Variants in ELMO3 observed in about 807,000 individuals in gnomAD.
ELMO3 encodes the protein engulfment and cell motility 3.
In ELMO3, 81 loss-of-function variants were observed where a neutral mutation model predicts 89.0. The ratio of observed to expected loss-of-function variants is 0.91; its 90% CI spans 0.76 to 1.09. ELMO3 has a LOEUF of 1.09. ELMO3 is among the 50% of genes least tolerant of loss of function. ELMO3 has a pLI of 0.00. For synonymous variants in ELMO3, 406 were observed against 400.6 expected (o/e 1.01, Z -0.16); for missense variants, 959 against 972.8 (o/e 0.99, Z 0.19).
At chr16:67,201,679 T>C (rs1052344385) in intron 10 of ELMO3, 37 bp downstream of exon 10, 4 of 1,608,764 alleles carry the variant, frequency 2.5e-6, no homozygotes, top group Non-Finnish European at 3.4e-6. Context: ...AGGGGGTGGC[T>C]TAGAGCTTGG....
In ELMO3 at chr16:67,200,018, C is replaced by T. The variant is rs760001719; in HGVS notation, c.243+17C>T. The T allele has an allele frequency of 1.3e-5, 21 of 1,612,884 alleles. No individual in the cohort carries two copies. In the Admixed American group the frequency reaches 2.8e-4, roughly 22 times the overall value. ...ACGGCCCCAGTAATGCCCCTCCCGT[C>T]CCGCCTTCCCCATCCCTGCCCCTTT... On this transcript the variant is annotated intron_variant, in intron 4 of 19. Transcript: ENST00000393997.
At position 67,202,528 on chromosome 16, in the gene ELMO3, G is replaced by A. The variant is rs201129653; in HGVS notation, c.1393G>A (p.Asp465Asn). 13 of 1,612,228 alleles carry A rather than the reference G, an allele frequency of 8.1e-6. No individual in the cohort carries two copies. The highest frequency in any genetic ancestry group is 5.5e-5 in the South Asian group (5 of 91,082). Residue 465 changes from aspartate (D) to asparagine (N), a missense_variant, in exon 14 of 20, where the codon GAC (aspartate) becomes AAC (asparagine). Physicochemically the swap from Asp to Asn is conservative, Grantham distance 23. Coordinates refer to ENST00000393997, the MANE Select transcript of ELMO3 (RefSeq NM_024712.5). ...KEMRATQEDFDKVMQVVREQL... is the reference protein window; with the variant it reads ...KEMRATQEDFNKVMQVVREQL... ...GATGCGGGCTACACAGGAGGACTTCGACAAGGTGGGTGGGGTGGGAGCTGG... is the reference window on the plus strand; with the variant it reads ...GATGCGGGCTACACAGGAGGACTTCAACAAGGTGGGTGGGGTGGGAGCTGG...
chr16:67,201,949 T>C (rs1322284360), intron 11 of ELMO3, 28 bp from the exon 12 acceptor site: 2 of 1,610,492 alleles, frequency 1.2e-6, no homozygotes, highest in Non-Finnish European at 1.7e-6. Context: ...GTGGCCCTTC[T>C]TGAACTGCCT....
rs201015151 is a variant in ELMO3 at position 67,202,435 on chromosome 16, G to A, written c.1300G>A (p.Gly434Ser). 2 of 1,613,828 alleles carry A rather than the reference G, an allele frequency of 1.2e-6. No individual in the cohort carries two copies. Among genetic ancestry groups the A allele is most frequent in the South Asian group, 2.2e-5 (2 of 91,084 alleles). ...TAQDFSPMFF[G>S]QDQSFHELFC... is the part of the protein sequence containing the mutation. ...CCAGGACTTCTCACCCATGTTCTTC[G>A]GCCAAGACCAGAGCTTCCACGAGCT... The change falls in exon 14 of 20, where the codon GGC becomes AGC. Residue 434 changes from glycine to serine, a missense_variant. Transcript: ENST00000393997.
rs199538757 is a variant in ELMO3, at chr16:67,203,044, G to T, written c.1675+40G>T. On this transcript the variant is annotated intron_variant, in intron 16 of 19. Coordinates refer to ENST00000393997, the MANE Select transcript of ELMO3 (RefSeq NM_024712.5). This position sits in a 1 kb window ranked among gnomAD's most constrained non-coding sequence, Gnocchi z 4.6. ...ATGGGCAGGGGGCAGAGGGCAGGCAGAGGGCAGGCAGAGGGCGGCTGGCTT... is the reference window on the plus strand; with the variant it reads ...ATGGGCAGGGGGCAGAGGGCAGGCATAGGGCAGGCAGAGGGCGGCTGGCTT... 1 of 1,601,928 alleles carries T rather than the reference G, an allele frequency of 6.2e-7. No individual in the cohort carries two copies. The highest frequency in any genetic ancestry group is 8.5e-7 in the Non-Finnish European group (1 of 1,177,288).
chr16:67,199,551 A>G lies in ELMO3; in HGVS notation c.79-2A>G, dbSNP rs1477967118. 6.2e-7 allele frequency: 1 copy of G among 1,600,108 alleles called. No individual in the cohort carries two copies. The highest frequency in any genetic ancestry group is 8.5e-7 in the Non-Finnish European group (1 of 1,177,484). On this transcript the variant is annotated splice_acceptor_variant, in intron 1 of 19. Transcript: ENST00000393997. LOFTEE classifies it high-confidence loss of function. ...CCGCGAGAATGACCACTCCACTTGC[A>G]GGCGAAGCCCCTGGCCGCTGTGCTG...
At chr16:67,201,045 C>A in intron 8 of ELMO3, 77 bp downstream of exon 8, 2 of 1,426,718 alleles carry the variant, frequency 1.4e-6, no homozygotes, top group Non-Finnish European at 1.8e-6. Context: ...TCCTCTAAGC[C>A]CCCCTTTTTT....
rs751587728 is a variant in ELMO3 at position 67,199,186 on chromosome 16, C to T, written c.-141C>T. 2.0e-5 allele frequency: 32 copies of T among 1,610,728 alleles called. 1 individual carries two copies. The South Asian group carries it at 3.3e-4, about 17-fold the overall frequency. On this transcript the variant is annotated 5_prime_UTR_variant, in exon 1 of 20. Coordinates refer to ENST00000393997, the MANE Select transcript of ELMO3 (RefSeq NM_024712.5). ...GCGTTGCATGGCCAGGAGCAGCAGTCTGGGCCGCGAGTGCGGGACACCGAG... is the reference window on the plus strand; with the variant it reads ...GCGTTGCATGGCCAGGAGCAGCAGTTTGGGCCGCGAGTGCGGGACACCGAG...
At position 67,202,713 on chromosome 16, in the gene ELMO3, G is replaced by T. The variant is rs752492126; in HGVS notation, c.1485G>T (p.Ala495=). The change falls in exon 15 of 20, where the codon GCG becomes GCT. Residue 495 remains alanine (A), a synonymous_variant. Transcript: ENST00000393997. Reference sequence around the variant, plus strand: ...AGCTCTTCCGAACCAAGGTGAATGCGCTCACTTATGGGGAGGTGCTGCGGC... The same window carrying T: ...AGCTCTTCCGAACCAAGGTGAATGCTCTCACTTATGGGGAGGTGCTGCGGC... The part of the protein sequence containing the change: ...SLELFRTKVN[A]LTYGEVLRLR... 3 of 1,613,704 alleles carry T rather than the reference G, an allele frequency of 1.9e-6. No homozygotes were observed. The highest frequency in any genetic ancestry group is 2.5e-6 in the Non-Finnish European group (3 of 1,180,006).
In ELMO3 at chr16:67,202,790, T is replaced by C. The variant is rs772203153; in HGVS notation, c.1562T>C (p.Leu521Pro). 6.2e-7 allele frequency: 1 copy of C among 1,613,060 alleles called. No individual in the cohort carries two copies. Among genetic ancestry groups the C allele is most frequent in the South Asian group, 1.1e-5 (1 of 91,072 alleles). ...GAGGGCACACTGGCTCCCCCTATAC[T>C]GTGAGTCTGGGGGGATGGATCCTCA... is the stretch of plus-strand genomic sequence containing the variant. ...HQEGTLAPPI[L>P]ELREKLKPEL... The change falls in exon 15 of 20, where the codon CTG becomes CCG. Residue 521 changes from leucine (L) to proline (P), a missense_variant and splice_region_variant. By Grantham distance (98) the Leu-to-Pro change is moderately conservative (BLOSUM62 -3). Transcript: ENST00000393997.
At position 67,199,533 on chromosome 16, in the gene ELMO3, A is replaced by G. The variant is rs945856596; in HGVS notation, c.79-20A>G. 4 of 1,549,746 alleles carry G rather than the reference A, an allele frequency of 2.6e-6. No homozygotes were observed. Among genetic ancestry groups the G allele is most frequent in the Non-Finnish European group, 3.5e-6 (4 of 1,147,108 alleles). On this transcript the variant is annotated intron_variant, in intron 1 of 19. Transcript: ENST00000393997. Reference sequence around the variant, plus strand: ...CATCCCTCCCTGCCCAGGCCGCGAGAATGACCACTCCACTTGCAGGCGAAG... The same window carrying G: ...CATCCCTCCCTGCCCAGGCCGCGAGGATGACCACTCCACTTGCAGGCGAAG...
chr16:67,200,583 G>A, intron 6 of ELMO3, 33 bp downstream of exon 6: 1 of 1,612,912 alleles, frequency 6.2e-7, no homozygotes, highest in Non-Finnish European at 8.5e-7. Flanking sequence ...GCGGGTGGGG[G>A]CAGTGGAGCA....
At position 67,200,177 on chromosome 16, in the gene ELMO3, C is replaced by T; in HGVS notation, c.244-15C>T. On this transcript the variant is annotated splice_polypyrimidine_tract_variant and intron_variant, in intron 4 of 19. Coordinates refer to ENST00000393997, the MANE Select transcript of ELMO3 (RefSeq NM_024712.5). ...CCCAGCCTCTTCACCTCTGCTCCTGCTCCGTTCCTGCCAGGACCTTGAGGC... is the reference window on the plus strand; with the variant it reads ...CCCAGCCTCTTCACCTCTGCTCCTGTTCCGTTCCTGCCAGGACCTTGAGGC... 1 of 1,608,102 alleles carries T rather than the reference C, an allele frequency of 6.2e-7. No individual in the cohort carries two copies. The highest frequency in any genetic ancestry group is 8.5e-7 in the Non-Finnish European group (1 of 1,176,404).
At position 67,202,982 on chromosome 16, in the gene ELMO3, G is replaced by A. The variant is rs1162777719; in HGVS notation, c.1653G>A (p.Lys551=). 1 of 1,607,114 alleles carries A rather than the reference G, an allele frequency of 6.2e-7. No individual in the cohort carries two copies. Among genetic ancestry groups the A allele is most frequent in the East Asian group, 2.2e-5 (1 of 44,872 alleles). The part of the protein sequence containing the change: ...LRLCEGTLFR[K]ISSRRRQDKL... ...TCTGTGAGGGGACGCTCTTCCGCAA[G>A]ATCAGCAGCCGGCGGCGCCAGGGTC... is the stretch of plus-strand genomic sequence containing the variant. The change falls in exon 16 of 20, where the codon AAG becomes AAA. Residue 551 remains lysine (K), a synonymous_variant. Coordinates refer to ENST00000393997, the MANE Select transcript of ELMO3 (RefSeq NM_024712.5).
Position 67,203,826 on chromosome 16 carries a change from AC to A in ELMO3, c.2118del (p.Thr707ProfsTer31). The A allele has an allele frequency of 1.9e-6, 2 of 1,047,938 alleles. No individual in the cohort carries two copies. Among genetic ancestry groups the A allele is most frequent in the Non-Finnish European group, 1.3e-6 (1 of 742,544 alleles). The allele number at this position is 1,047,938 out of a possible 1,614,324, so 64.9% of individuals were successfully genotyped here. On this transcript the variant is annotated frameshift_variant, in exon 20 of 20. Coordinates refer to ENST00000393997, the MANE Select transcript of ELMO3 (RefSeq NM_024712.5). LOFTEE classifies it high-confidence loss of function. The surrounding 1 kb of genome is among the most constrained non-coding windows in gnomAD (Gnocchi z 4.6). ...CCGAGCGGCCACCCCCTGTGCCCCC[AC>A]CCCCCACCAACTTCAACTTCTGCTA... Reference protein sequence around the residue: ...IPERPPPVPPPPTNFNFCYDC... With the variant: ...IPERPPPVPPXPTNFNFCYDC...
rs372500728 is a variant in ELMO3 at position 67,202,726 on chromosome 16, G to A, written c.1498G>A (p.Glu500Lys). Residue 500 changes from glutamate to lysine, a missense_variant, in exon 15 of 20, where the codon GAG (glutamate) becomes AAG (lysine). Glu to Lys is a moderately conservative substitution (Grantham distance 56). Transcript: ENST00000393997. ...CAAGGTGAATGCGCTCACTTATGGGGAGGTGCTGCGGCTGCGGCAGACTGA... is the reference window on the plus strand; with the variant it reads ...CAAGGTGAATGCGCTCACTTATGGGAAGGTGCTGCGGCTGCGGCAGACTGA... Reference protein sequence around the residue: ...RTKVNALTYGEVLRLRQTERL... With the variant: ...RTKVNALTYGKVLRLRQTERL... 5.0e-6 allele frequency: 8 copies of A among 1,613,582 alleles called. No homozygotes were observed. Among genetic ancestry groups the A allele is most frequent in the Non-Finnish European group, 6.8e-6 (8 of 1,180,016 alleles).
chr16:67,202,449 C>T lies in ELMO3; in HGVS notation c.1314C>T (p.Ser438=), dbSNP rs2033137583. The change falls in exon 14 of 20, where the codon AGC becomes AGT. Residue 438 remains serine, a synonymous_variant. Coordinates refer to ENST00000393997, the MANE Select transcript of ELMO3 (RefSeq NM_024712.5). ...FSPMFFGQDQ[S]FHELFCVGIQ... ...CCATGTTCTTCGGCCAAGACCAGAGCTTCCACGAGCTCTTCTGTGTGGGCA... is the reference window on the plus strand; with the variant it reads ...CCATGTTCTTCGGCCAAGACCAGAGTTTCCACGAGCTCTTCTGTGTGGGCA... 3.1e-6 allele frequency: 5 copies of T among 1,613,754 alleles called. No homozygotes were observed. The highest frequency in any genetic ancestry group is 4.2e-6 in the Non-Finnish European group (5 of 1,180,034).
chr16:67,202,724 G>A lies in ELMO3; in HGVS notation c.1496G>A (p.Gly499Glu). 1 of 1,613,704 alleles carries A rather than the reference G, an allele frequency of 6.2e-7. No individual in the cohort carries two copies. The highest frequency in any genetic ancestry group is 8.5e-7 in the Non-Finnish European group (1 of 1,179,990). The change falls in exon 15 of 20, where the codon GGG (glycine) becomes GAG (glutamate). Residue 499 changes from glycine to glutamate, a missense_variant. Coordinates refer to ENST00000393997, the MANE Select transcript of ELMO3 (RefSeq NM_024712.5). ...FRTKVNALTYGEVLRLRQTER... is the reference protein window; with the variant it reads ...FRTKVNALTYEEVLRLRQTER... ...ACCAAGGTGAATGCGCTCACTTATG[G>A]GGAGGTGCTGCGGCTGCGGCAGACT...
Position 67,202,873 on chromosome 16 carries a change from A to G in ELMO3, c.1563-19A>G. The G allele has an allele frequency of 6.2e-7, 1 of 1,613,210 alleles. No individual in the cohort carries two copies. Among genetic ancestry groups the G allele is most frequent in the Non-Finnish European group, 8.5e-7 (1 of 1,179,894 alleles). ...GCTACTCCCCAGGTCAGATGTGCTC[A>G]GTGACACCCCTCTATCAGGGAGCTG... On this transcript the variant is annotated intron_variant, in intron 15 of 19. Coordinates refer to ENST00000393997, the MANE Select transcript of ELMO3 (RefSeq NM_024712.5).
Sources: allele counts gnomAD v4.1 joint callset, GRCh38; gene constraint gnomAD v4.1.1; non-coding constraint Gnocchi (gnomAD v3.1); transcripts MANE v1.5; gene names NCBI Gene and HGNC (gene_info 2026-07-23, HGNC 2026-07-21).